The following ZNF804A variants were observed in gnomAD, a reference collection of about 807,000 sequenced individuals.
The protein encoded by ZNF804A is zinc finger protein 804A.
Under a neutral mutation model 16.5 loss-of-function variants are expected in ZNF804A, and 2 were observed. The ratio of observed to expected loss-of-function variants is 0.12; its 90% CI spans 0.05 to 0.38. ZNF804A has a LOEUF of 0.38. ZNF804A is among the 10% of genes least tolerant of loss of function. The pLI is 0.99. For missense variants in ZNF804A, 1,473 were observed against 1,390.7 expected (o/e 1.06, Z -0.94); for synonymous variants, 534 against 489.6 (o/e 1.09, Z -1.20).
chr2:184,839,184 A>G (rs895986696), intron 1 of ZNF804A, among the ~76,000 whole-genome samples: 2 of 152,126 alleles, frequency 1.3e-5, no homozygotes, highest in Non-Finnish European at 2.9e-5. Context: ...ATAAAGCACT[A>G]TAAACAAATT....
chr2:184,822,058 CTTG>C (rs973584939), intron 1 of ZNF804A, among the ~76,000 whole-genome samples: 3 of 152,080 alleles, frequency 2.0e-5, no homozygotes, highest in African/African-American at 7.2e-5. Context: ...AATTCCATTA[CTTG>C]TTGTATACCC....
intron 1 of ZNF804A, among the ~76,000 whole-genome samples, chr2:184,692,312 AG>A (rs1692745652): frequency 6.6e-6 from 1 of 152,164 alleles, no homozygotes; most frequent in Non-Finnish European, 1.5e-5. Flanking sequence ...GTCTGGCCCT[AG>A]GACTAGCGCC....
At chr2:184,890,072 G>A (rs1684956371) in intron 2 of ZNF804A, among the ~76,000 whole-genome samples, 1 of 151,882 alleles carries the variant, frequency 6.6e-6, no homozygotes, top group African/African-American at 2.4e-5. Context: ...ATATTCCTTG[G>A]GATAACCAAA....
intron 1 of ZNF804A, among the ~76,000 whole-genome samples, chr2:184,694,400 T>C (rs1692786634): frequency 6.6e-6 from 1 of 152,210 alleles, no homozygotes; most frequent in Non-Finnish European, 1.5e-5. Flanking sequence ...GCTTGGTTTT[T>C]ACCATTACAT....
Position 184,628,510 on chromosome 2 carries a change from C to A in ZNF804A, c.111+29440C>A, listed in dbSNP as rs559883102. Among the ~76,000 whole-genome samples the A allele has an allele frequency of 2.6e-5, 4 of 151,976 alleles. No homozygotes were observed. In the East Asian group the frequency reaches 7.7e-4, roughly 29 times the overall value. Reference sequence around the variant, plus strand: ...ATATTTTTCAAATTTGGAAAACAGACATTTGTATCCAGATAAAAATAAATA... The same window carrying A: ...ATATTTTTCAAATTTGGAAAACAGAAATTTGTATCCAGATAAAAATAAATA... On this transcript the variant is annotated intron_variant, in intron 1 of 3. Coordinates refer to ENST00000302277, the MANE Select transcript of ZNF804A (RefSeq NM_194250.2).
intron 1 of ZNF804A, among the ~76,000 whole-genome samples, chr2:184,696,472 T>A (rs1373977007): frequency 6.6e-6 from 1 of 152,164 alleles, no homozygotes; most frequent in African/African-American, 2.4e-5. Flanking sequence ...ACTGCTTATA[T>A]GGCTTTTTGG....
intron 1 of ZNF804A, among the ~76,000 whole-genome samples, chr2:184,612,151 T>A (rs1691248377): frequency 6.6e-6 from 1 of 152,192 alleles, no homozygotes; most frequent in African/African-American, 2.4e-5. Flanking sequence ...GTGATGATAG[T>A]TACTTGCTGA....
intron 1 of ZNF804A, among the ~76,000 whole-genome samples, chr2:184,764,417 T>C (rs542006056): frequency 6.6e-6 from 1 of 152,304 alleles, no homozygotes; most frequent in Non-Finnish European, 1.5e-5. Flanking sequence ...TTTCCTCTTA[T>C]AAACATATCA....
intron 1 of ZNF804A, among the ~76,000 whole-genome samples, chr2:184,686,949 T>A (rs919550438): frequency 6.6e-6 from 1 of 152,200 alleles, no homozygotes; most frequent in African/African-American, 2.4e-5. Flanking sequence ...TAGATGCATA[T>A]TTTGTGAATA....
At chr2:184,887,611 G>A (rs372493390) in intron 2 of ZNF804A, among the ~76,000 whole-genome samples, 3 of 152,286 alleles carry the variant, frequency 2.0e-5, no homozygotes, top group East Asian at 3.9e-4. Flanking sequence ...GAGGTGAAAT[G>A]CACTTCTTAC....
chr2:184,735,105 C>T (rs2105749571), intron 1 of ZNF804A, among the ~76,000 whole-genome samples: 1 of 151,982 alleles, frequency 6.6e-6, no homozygotes, highest in South Asian at 2.1e-4. Context: ...TTTTTTAACC[C>T]TCTCTAATAA....
At chr2:184,762,494 TTG>T (rs1239051178) in intron 1 of ZNF804A, among the ~76,000 whole-genome samples, 2 of 151,954 alleles carry the variant, frequency 1.3e-5, no homozygotes, top group East Asian at 3.9e-4. Flanking sequence ...TTAAAAAATA[TTG>T]TGTCTTTTTA....
At position 184,935,982 on chromosome 2, in the gene ZNF804A, A is replaced by C. The variant is rs147413858; in HGVS notation, c.586A>C (p.Lys196Gln). Residue 196 changes from lysine (K) to glutamine (Q), a missense_variant, in exon 4 of 4, where the codon AAA becomes CAA. Lys to Gln is a moderately conservative substitution (Grantham distance 53). Coordinates refer to ENST00000302277, the MANE Select transcript of ZNF804A (RefSeq NM_194250.2). ...AGAAAGTGCAAATAATTATACAGCA[A>C]AAAATAACCAAGTTGGGGATCAAGC... ...DPESANNYTA[K>Q]NNQVGDQAQG... 1.9e-6 allele frequency: 3 copies of C among 1,613,930 alleles called. No individual in the cohort carries two copies. In the African/African-American group the frequency reaches 4.0e-5, roughly 22 times the overall value.
At chr2:184,910,510 C>T (rs1264166080) in intron 2 of ZNF804A, among the ~76,000 whole-genome samples, 2 of 151,980 alleles carry the variant, frequency 1.3e-5, no homozygotes, top group Admixed American at 6.6e-5. Flanking sequence ...ATTGCTGAGT[C>T]AAATGGTAAT....
chr2:184,598,904 G>C lies in ZNF804A; in HGVS notation c.-56G>C, dbSNP rs1690997534. The C allele has an allele frequency of 7.9e-7, 1 of 1,272,518 alleles. No homozygotes were observed. Among genetic ancestry groups the C allele is most frequent in the Non-Finnish European group, 1.1e-6 (1 of 926,050 alleles). The allele number at this position is 1,272,518 out of a possible 1,614,324, so 78.8% of individuals were successfully genotyped here. On this transcript the variant is annotated 5_prime_UTR_variant, in exon 1 of 4. Transcript: ENST00000302277. ...TCGCCGGCCCCGGCGCGCTGCGGCT[G>C]TGGGCGCGGGGTGCGTGGAAGCGGC...
intron 1 of ZNF804A, among the ~76,000 whole-genome samples, chr2:184,756,402 A>G (rs1693959687): frequency 1.3e-5 from 2 of 151,908 alleles, no homozygotes; most frequent in Admixed American, 1.3e-4. Context: ...TAAATTTTAT[A>G]ATGAATATGT....
At chr2:184,854,120 C>T (rs1298888692) in intron 1 of ZNF804A, among the ~76,000 whole-genome samples, 1 of 151,778 alleles carries the variant, frequency 6.6e-6, no homozygotes, top group African/African-American at 2.4e-5. Context: ...TTGGCCTGTT[C>T]AGAGTTTCTA....
intron 1 of ZNF804A, among the ~76,000 whole-genome samples, chr2:184,810,690 C>A (rs1426225181): frequency 6.6e-6 from 1 of 151,908 alleles, no homozygotes; most frequent in East Asian, 1.9e-4. Flanking sequence ...CGGGGTTTCA[C>A]CATTTTAGCC....
intron 1 of ZNF804A, among the ~76,000 whole-genome samples, chr2:184,613,953 C>T (rs553130707): frequency 1.3e-5 from 2 of 152,128 alleles, no homozygotes; most frequent in Admixed American, 1.3e-4. Context: ...TAATATGGAA[C>T]CAAAAAAGAG....
Sources: gnomAD v4.1 joint callset for allele counts (sites outside exome capture counted in the v4.1 genomes callset) on GRCh38, gnomAD v4.1.1 for gene constraint, MANE v1.5 for transcripts, NCBI Gene and HGNC (gene_info 2026-07-23, HGNC 2026-07-21) for gene names.